Variants in PDZD7 observed in about 807,000 individuals in gnomAD.
PDZD7 encodes PDZ domain-containing protein 7.
Under a neutral mutation model 84.7 loss-of-function variants are expected in PDZD7, and 72 were observed. The ratio of observed to expected loss-of-function variants is 0.85; its 90% CI spans 0.70 to 1.03. The LOEUF (loss-of-function observed/expected upper bound fraction) is 1.03, where lower values mean the gene tolerates loss of function less well. PDZD7 is among the 50% of genes least tolerant of loss of function. The pLI is 0.00. For missense variants in PDZD7, 1,490 were observed against 1,412.9 expected, an observed-to-expected ratio of 1.05 and a Z score of -0.87; for synonymous variants, 594 against 580.7, an observed-to-expected ratio of 1.02 and a Z score of -0.33.
In PDZD7 at chr10:101,009,175, G is replaced by A; in HGVS notation, c.2718+75C>T. On this transcript the variant is annotated intron_variant, in intron 16 of 16. Coordinates refer to ENST00000619208, the MANE Select transcript of PDZD7 (RefSeq NM_001195263.2). ...GGCTAAACATGTCTGGCTGGAAGCTGAGCATGGCCAGCCCCACCTCCTGCC... is the reference window on the plus strand; with the variant it reads ...GGCTAAACATGTCTGGCTGGAAGCTAAGCATGGCCAGCCCCACCTCCTGCC... The A allele has an allele frequency of 2.3e-6, 3 of 1,328,718 alleles. No homozygotes were observed. In the South Asian group the frequency reaches 3.9e-5, roughly 17 times the overall value. The allele number at this position is 1,328,718 out of a possible 1,614,324, so 82.3% of individuals were successfully genotyped here.
intron 2 of PDZD7, 85 bp downstream of exon 2, chr10:101,029,909 T>A: frequency 7.2e-7 from 1 of 1,391,716 alleles, no homozygotes; most frequent in South Asian, 1.3e-5. Flanking sequence ...CCAATCATAC[T>A]GGCTCTGCCT....
At chr10:101,020,473 A>G (rs1853020830) in intron 7 of PDZD7, 145 bp downstream of exon 7, 2 of 750,198 alleles carry the variant, frequency 2.7e-6, no homozygotes, top group East Asian at 5.4e-5. Context: ...CCTGTACTCA[A>G]GCGATCCTCC....
At position 101,022,374 on chromosome 10, in the gene PDZD7, AC is replaced by A. The variant is rs781039724; in HGVS notation, c.553del (p.Val185Ter). The A allele has an allele frequency of 1.2e-6, 2 of 1,613,958 alleles. No individual in the cohort carries two copies. Among genetic ancestry groups the A allele is most frequent in the Non-Finnish European group, 1.7e-6 (2 of 1,180,028 alleles). ...SKEKTTWVDV[V>X]NRRLVVEKCG... ...CTTCTCCACTACCAGGCGCCGATTC[AC>A]CACATCCACCCTGGACAACAGCAGG... On this transcript the variant is annotated frameshift_variant, in exon 5 of 17. Coordinates refer to ENST00000619208, the MANE Select transcript of PDZD7 (RefSeq NM_001195263.2). LOFTEE classifies it high-confidence loss of function.
intron 6 of PDZD7, 145 bp downstream of exon 6, chr10:101,021,653 T>C: frequency 7.6e-7 from 1 of 1,313,514 alleles, no homozygotes; most frequent in South Asian, 1.2e-5. Flanking sequence ...TTTCTTCTTC[T>C]TCAAAACAGG....
intron 14 of PDZD7, chr10:101,011,355 A>T: frequency 2.0e-6 from 1 of 495,520 alleles, no homozygotes; most frequent in Non-Finnish European, 3.1e-6. Context: ...ATTACATTTT[A>T]ATGCTTCCTG....
In PDZD7 at chr10:101,008,652, G is replaced by A; in HGVS notation, c.2917C>T (p.His973Tyr). ...ALTDGGLPADHLPAHQPLDAA... is the reference protein window; with the variant it reads ...ALTDGGLPADYLPAHQPLDAA... Reference sequence around the variant, plus strand: ...TCAAGGGGTTGGTGGGCAGGCAAGTGGTCAGCAGGAAGGCCCCCATCAGTA... The same window carrying A: ...TCAAGGGGTTGGTGGGCAGGCAAGTAGTCAGCAGGAAGGCCCCCATCAGTA... Residue 973 changes from histidine to tyrosine, a missense_variant, in exon 17 of 17, where the codon CAC becomes TAC. Coordinates refer to ENST00000619208, the MANE Select transcript of PDZD7 (RefSeq NM_001195263.2). 1 of 1,536,066 alleles carries A rather than the reference G, an allele frequency of 6.5e-7. No homozygotes were observed.
Position 101,019,127 on chromosome 10 carries a change from C to T in PDZD7, c.1019G>A (p.Gly340Asp), listed in dbSNP as rs1401905286. 1 of 1,547,984 alleles carries T rather than the reference C, an allele frequency of 6.5e-7. No homozygotes were observed. The highest frequency in any genetic ancestry group is 1.9e-5 in the Admixed American group (1 of 52,374). ...GTCCATGCGGTCCGACGGCAGGGAG[C>T]CCGAGCTGTAGGGGGCGCTGGAGGC... ...SCASSAPYSS[G>D]SLPSDRMDIC... is the part of the protein sequence containing the mutation. Residue 340 changes from glycine (G) to aspartate (D), a missense_variant, in exon 8 of 17, where the codon GGC becomes GAC. Coordinates refer to ENST00000619208, the MANE Select transcript of PDZD7 (RefSeq NM_001195263.2).
At chr10:101,019,996 A>G (rs988565492) in intron 7 of PDZD7, among the ~76,000 whole-genome samples, 5 of 147,104 alleles carry the variant, frequency 3.4e-5, no homozygotes, top group Non-Finnish European at 7.5e-5. Context: ...TCACAGCTCC[A>G]CAGCTCACCA....
Position 101,007,875 on chromosome 10 carries a change from A to ACC in PDZD7, c.*590_*591dup, listed in dbSNP as rs60039986. ...GATAAAGAGTACAGGAACTTGTTTG[A>ACC]CCCCCCCCCCCCCACCATTTGCTGG... is the stretch of plus-strand genomic sequence containing the variant. On this transcript the variant is annotated 3_prime_UTR_variant, in exon 17 of 17. Transcript: ENST00000619208. 1,829 of 23,704 alleles carry ACC rather than the reference A, an allele frequency of 0.077. 309 individuals carry two copies. The highest frequency in any genetic ancestry group is 0.22 in the South Asian group (72 of 326). The allele number at this position is 23,704 out of a possible 1,614,324, so 1.5% of individuals were successfully genotyped here. A position where few individuals can be genotyped will look rare whatever the true frequency, so the allele number is the denominator to read the frequency against.
chr10:101,024,144 G>A, intron 2 of PDZD7, 76 bp from the exon 3 acceptor site: 1 of 1,607,660 alleles, frequency 6.2e-7, no homozygotes, highest in Admixed American at 1.7e-5. Context: ...CCAACTTGGG[G>A]CCTGCAAAGG....
Position 101,009,230 on chromosome 10 carries a change from C to T in PDZD7, c.2718+20G>A, listed in dbSNP as rs1225049792. The T allele has an allele frequency of 6.6e-7, 1 of 1,521,764 alleles. No individual in the cohort carries two copies. The highest frequency in any genetic ancestry group is 2.4e-5 in the East Asian group (1 of 40,832). 94.3% of individuals were successfully genotyped at this position (1,521,764 alleles called of 1,614,324 possible). On this transcript the variant is annotated intron_variant, in intron 16 of 16. Transcript: ENST00000619208. ...TTCAGCTGTGCTCTGAGAGGGTGGGCCAGGGCATGCTTCACCCACCTGCAG... is the reference window on the plus strand; with the variant it reads ...TTCAGCTGTGCTCTGAGAGGGTGGGTCAGGGCATGCTTCACCCACCTGCAG...
intron 2 of PDZD7, among the ~76,000 whole-genome samples, chr10:101,028,357 G>A (rs902628762): frequency 6.6e-6 from 1 of 152,220 alleles, no homozygotes; most frequent in African/African-American, 2.4e-5. Flanking sequence ...GGAGGCTGAG[G>A]CCGGAAGATC....
chr10:101,029,127 G>C (rs924574025), intron 2 of PDZD7, among the ~76,000 whole-genome samples: 1 of 152,170 alleles, frequency 6.6e-6, no homozygotes, highest in Non-Finnish European at 1.5e-5. Context: ...GCCTGGCTCC[G>C]CACCTGGCAT....
Position 101,018,168 on chromosome 10 carries a change from G to A in PDZD7, c.1453C>T (p.Arg485Cys). The A allele has an allele frequency of 6.2e-7, 1 of 1,614,192 alleles. No individual in the cohort carries two copies. Among genetic ancestry groups the A allele is most frequent in the Non-Finnish European group, 8.5e-7 (1 of 1,180,028 alleles). The change falls in exon 9 of 17, where the codon CGC (arginine) becomes TGC (cysteine). Residue 485 changes from arginine to cysteine, a missense_variant. By Grantham distance (180) the Arg-to-Cys change is radical. Coordinates refer to ENST00000619208, the MANE Select transcript of PDZD7 (RefSeq NM_001195263.2). ...CTGTCCAGTGTCCAGGCCTCTCTGC[G>A]CCCGTCCCGCGCTAGCCTCCCCTGC... ...GRQGRLARDG[R>C]REAWTLDSGS... is the part of the protein sequence containing the mutation.
intron 8 of PDZD7, among the ~76,000 whole-genome samples, chr10:101,018,546 G>C (rs1242221914): frequency 6.6e-6 from 1 of 152,238 alleles, no homozygotes; most frequent in Non-Finnish European, 1.5e-5. Flanking sequence ...GTGTGTTTGA[G>C]CAACTGTGTG....
intron 4 of PDZD7, 69 bp downstream of exon 4, chr10:101,023,367 T>G: frequency 6.3e-7 from 1 of 1,588,004 alleles, no homozygotes; most frequent in South Asian, 1.1e-5. Flanking sequence ...GCCAGTGGGT[T>G]TTGGGTGTTG....
rs915063250 is a variant in PDZD7, at chr10:101,008,143, C to T, written c.*324G>A. 1.0e-5 allele frequency: 4 copies of T among 399,726 alleles called. No homozygotes were observed. Among genetic ancestry groups the T allele is most frequent in the Non-Finnish European group, 1.8e-5 (4 of 223,476 alleles). 24.8% of individuals were successfully genotyped at this position (399,726 alleles called of 1,614,324 possible). On this transcript the variant is annotated 3_prime_UTR_variant, in exon 17 of 17. Transcript: ENST00000619208. Reference sequence around the variant, plus strand: ...TGTGTCCCTGGAGGCTTGGGCGACTCATAAGGGACAGCATGTGAGAAAGTG... The same window carrying T: ...TGTGTCCCTGGAGGCTTGGGCGACTTATAAGGGACAGCATGTGAGAAAGTG...
At chr10:101,017,866 A>AAAGAAAGAAAGAAAGAAAGAAAG (rs1852751947) in intron 9 of PDZD7, 1 of 434,046 alleles carries the variant, frequency 2.3e-6, no homozygotes, top group African/African-American at 4.1e-5. Flanking sequence ...AAAGAAAGAA[A>AAAGAAAGAAAGAAAGAAAGAAAG]GAAAGAAAGA....
chr10:101,014,559 A>G (rs1852524684), intron 11 of PDZD7, among the ~76,000 whole-genome samples: 1 of 152,098 alleles, frequency 6.6e-6, no homozygotes, highest in Non-Finnish European at 1.5e-5. Context: ...TTTAGCCCAA[A>G]GCCCCTTAGC....
Sources: allele counts gnomAD v4.1 joint callset (sites outside exome capture counted in the v4.1 genomes callset), GRCh38; gene constraint gnomAD v4.1.1; transcripts MANE v1.5; gene names NCBI Gene and HGNC (gene_info 2026-07-23, HGNC 2026-07-21).